FAM184A: variants seen among roughly 807,000 people sequenced by gnomAD.
The protein encoded by FAM184A is protein FAM184A.
Under a neutral mutation model 143.8 loss-of-function variants are expected in FAM184A, and 99 were observed. The observed-to-expected ratio is 0.69, with a 90% CI of 0.58 to 0.81. FAM184A has a LOEUF of 0.81. FAM184A is among the 40% of genes least tolerant of loss of function. FAM184A has a pLI of 0.00. For missense variants in FAM184A, 1,217 were observed against 1,310.5 expected (o/e 0.93, Z 1.10); for synonymous variants, 427 against 446.4 (o/e 0.96, Z 0.55).
At chr6:118,984,961 G>A (rs1181223162) in intron 9 of FAM184A, among the ~76,000 whole-genome samples, 1 of 152,152 alleles carries the variant, frequency 6.6e-6, no homozygotes, top group African/African-American at 2.4e-5. Flanking sequence ...TAAAAATACA[G>A]GAACATATAA....
At chr6:119,077,042 T>C (rs969817803) in intron 1 of FAM184A, among the ~76,000 whole-genome samples, 8 of 152,216 alleles carry the variant, frequency 5.3e-5, no homozygotes, top group African/African-American at 1.9e-4. Flanking sequence ...TTATGTTATC[T>C]TTTCTATCCT....
chr6:118,972,790 G>A (rs1783734424), intron 14 of FAM184A, among the ~76,000 whole-genome samples: 1 of 152,020 alleles, frequency 6.6e-6, no homozygotes, highest in South Asian at 2.1e-4. Context: ...ATGTTTTTTC[G>A]GAGCATGAAG....
chr6:119,011,515 T>C, intron 5 of FAM184A, 84 bp from the exon 6 acceptor site: 3 of 891,374 alleles, frequency 3.4e-6, no homozygotes, highest in Non-Finnish European at 3.3e-6. Context: ...CTATTCTGTT[T>C]TGTATTTTGA....
intron 1 of FAM184A, among the ~76,000 whole-genome samples, chr6:119,049,594 T>C (rs1322990445): frequency 1.3e-5 from 2 of 152,228 alleles, no homozygotes; most frequent in East Asian, 3.8e-4. Context: ...AAACATTCCC[T>C]ACTCAATAAA....
intron 9 of FAM184A, among the ~76,000 whole-genome samples, chr6:118,983,735 A>G (rs1426808252): frequency 2.6e-5 from 4 of 152,192 alleles, no homozygotes; most frequent in Non-Finnish European, 5.9e-5. Flanking sequence ...CTGCACTGAT[A>G]GTAATTGCCA....
At chr6:118,997,324 CAAA>C (rs11345478) in intron 9 of FAM184A, among the ~76,000 whole-genome samples, 14 of 111,914 alleles carry the variant, frequency 1.3e-4, no homozygotes, top group Admixed American at 2.8e-4. Flanking sequence ...AACTCCATCT[CAAA>C]AAAAAAAAAA....
chr6:119,107,410 G>A (rs938289200), intron 1 of FAM184A, among the ~76,000 whole-genome samples: 1 of 152,130 alleles, frequency 6.6e-6, no homozygotes, highest in African/African-American at 2.4e-5. Flanking sequence ...ATTTGGTGAG[G>A]GAAGGGTAAG....
In FAM184A at chr6:118,991,171, T is replaced by G. The variant is rs1046482711; in HGVS notation, c.2089-10821A>C. The stretch of plus-strand genomic sequence containing the variant: ...TTTTATTTTATTTTTTAATTTTTTT[T>G]TTTTTTGAGATGAATGAAGTCTTGC... On this transcript the variant is annotated intron_variant, in intron 9 of 17. Coordinates refer to ENST00000338891, the MANE Select transcript of FAM184A (RefSeq NM_024581.6). 4.0e-5 allele frequency among the ~76,000 whole-genome samples: 6 copies of G among 151,814 alleles called. No homozygotes were observed. The East Asian group carries it at 7.7e-4, about 20-fold the overall frequency.
At position 119,047,476 on chromosome 6, in the gene FAM184A, A is replaced by G. The variant is rs1228011275; in HGVS notation, c.160-22663T>C. 2.6e-5 allele frequency among the ~76,000 whole-genome samples: 4 copies of G among 152,224 alleles called. No homozygotes were observed. In the East Asian group the frequency reaches 7.7e-4, roughly 29 times the overall value. ...TTATAATAGTTAAGATTTGGAAGTA[A>G]CCTACGTGTCCATCAACAGATGAAT... On this transcript the variant is annotated intron_variant, in intron 1 of 17. Transcript: ENST00000338891.
chr6:119,143,513 C>A (rs190586403), intron 1 of FAM184A, among the ~76,000 whole-genome samples: 5 of 152,146 alleles, frequency 3.3e-5, no homozygotes, highest in African/African-American at 1.2e-4. Context: ...TTTGTGCACT[C>A]GTGTACACAG....
chr6:119,091,002 G>C (rs1433466324), intron 1 of FAM184A, among the ~76,000 whole-genome samples: 1 of 152,094 alleles, frequency 6.6e-6, no homozygotes, highest in Non-Finnish European at 1.5e-5. Context: ...ATGATAATCA[G>C]GATCAATTAC....
chr6:119,022,711 C>T (rs1157787389), intron 3 of FAM184A, among the ~76,000 whole-genome samples: 2 of 151,942 alleles, frequency 1.3e-5, no homozygotes, highest in East Asian at 1.9e-4. Context: ...TCCATCTCTA[C>T]TAAAAATACA....
At chr6:119,004,430 C>T (rs1275014213) in intron 7 of FAM184A, among the ~76,000 whole-genome samples, 1 of 152,222 alleles carries the variant, frequency 6.6e-6, no homozygotes, top group Non-Finnish European at 1.5e-5. Context: ...AATTGCCATT[C>T]TACATTGTTG....
chr6:119,068,954 CA>C, intron 1 of FAM184A: 1 of 244,748 alleles, frequency 4.1e-6, no homozygotes, highest in Non-Finnish European at 9.3e-6. Flanking sequence ...TAAAATTTGT[CA>C]GAATTAATGT....
At chr6:118,989,306 C>G (rs1056397113) in intron 9 of FAM184A, among the ~76,000 whole-genome samples, 13 of 151,680 alleles carry the variant, frequency 8.6e-5, no homozygotes, top group African/African-American at 3.1e-4. Context: ...ACCTACATAC[C>G]CCTCCCTCCC....
intron 1 of FAM184A, chr6:119,069,102 A>G (rs1180266201): frequency 2.5e-5 from 9 of 361,066 alleles, no homozygotes; most frequent in African/African-American, 6.5e-5. Context: ...AATAAAGGCC[A>G]AAACCACAAT....
chr6:118,983,804 T>A (rs1183928067), intron 9 of FAM184A, among the ~76,000 whole-genome samples: 1 of 152,096 alleles, frequency 6.6e-6, no homozygotes, highest in Admixed American at 6.6e-5. Context: ...TTTTACAGTC[T>A]TTTTGAAAAT....
At chr6:118,976,091 A>G (rs1243585305) in intron 11 of FAM184A, 47 bp from the exon 12 acceptor site, 4 of 1,574,248 alleles carry the variant, frequency 2.5e-6, no homozygotes, top group Admixed American at 3.7e-5. Flanking sequence ...AAAAAATATT[A>G]TCAATACTTT....
intron 1 of FAM184A, among the ~76,000 whole-genome samples, chr6:119,084,281 C>T (rs1788155692): frequency 6.6e-6 from 1 of 152,172 alleles, no homozygotes; most frequent in Admixed American, 6.5e-5. Context: ...CAGAGCCAAA[C>T]CATATCAGGG....
Sources: gnomAD v4.1 joint callset for allele counts (sites outside exome capture counted in the v4.1 genomes callset) on GRCh38, gnomAD v4.1.1 for gene constraint, MANE v1.5 for transcripts, NCBI Gene and HGNC (gene_info 2026-07-23, HGNC 2026-07-21) for gene names.